The following AADACL4 variants were observed in gnomAD, a reference collection of about 807,000 sequenced individuals.
AADACL4 encodes the protein arylacetamide deacetylase like 4.
AADACL4 carries 9 observed loss-of-function variants against 14.1 expected under a neutral mutation model. The ratio of observed to expected loss-of-function variants is 0.64; its 90% confidence interval spans 0.39 to 1.12. The LOEUF (loss-of-function observed/expected upper bound fraction) is 1.12. Ranked by LOEUF, AADACL4 falls within the 50% of genes most tolerant of loss-of-function variation. AADACL4 has a pLI of 0.01. For missense variants in AADACL4, 531 were observed against 516.1 expected, an observed-to-expected ratio of 1.03 and a Z score of -0.28; for synonymous variants, 188 against 201.6, an observed-to-expected ratio of 0.93 and a Z score of 0.57.
At position 12,663,114 on chromosome 1, in the gene AADACL4, C is replaced by T. The variant is rs144086060; in HGVS notation, c.449+1260C>T. ...CAGGGAGACAGTAGCTGAGAGGAGA[C>T]TCCCTGAGAGACACTGAAGGAAGGG... On this transcript the variant is annotated intron_variant, in intron 3 of 3. Coordinates refer to ENST00000376221, the MANE Select transcript of AADACL4 (RefSeq NM_001013630.2). Among the ~76,000 whole-genome samples the T allele has an allele frequency of 8.5e-5, 13 of 152,212 alleles. No homozygotes were observed. In the East Asian group the frequency reaches 1.5e-3, roughly 18 times the overall value.
At chr1:12,657,135 T>C (rs1386198911) in intron 2 of AADACL4, among the ~76,000 whole-genome samples, 1 of 115,274 alleles carries the variant, frequency 8.7e-6, no homozygotes. Flanking sequence ...AGAGAAAGAC[T>C]GTCTCAAAAA....
chr1:12,660,578 A>G (rs1647218585), intron 2 of AADACL4, among the ~76,000 whole-genome samples: 1 of 152,076 alleles, frequency 6.6e-6, no homozygotes, highest in African/African-American at 2.4e-5. Context: ...CCTTAAAATC[A>G]CCTGCGAATT....
At position 12,666,144 on chromosome 1, in the gene AADACL4, T is replaced by C. The variant is rs1647323908; in HGVS notation, c.633T>C (p.Asp211=). The change falls in exon 4 of 4, where the codon GAT becomes GAC. Residue 211 remains aspartate, a synonymous_variant. Transcript: ENST00000376221. ...AITQALVGRS[D]LPRIRAQVLI... The stretch of plus-strand genomic sequence containing the variant: ...CCCAGGCCTTGGTGGGCAGATCAGA[T>C]CTTCCCCGGATCCGGGCTCAGGTTC... 1 of 1,614,118 alleles carries C rather than the reference T, an allele frequency of 6.2e-7. No homozygotes were observed. The highest frequency in any genetic ancestry group is 1.3e-5 in the African/African-American group (1 of 74,940).
At chr1:12,656,924 C>T (rs1435589314) in intron 2 of AADACL4, among the ~76,000 whole-genome samples, 1 of 151,946 alleles carries the variant, frequency 6.6e-6, no homozygotes, top group African/African-American at 2.4e-5. Flanking sequence ...GTGGACTGCT[C>T]GAGCTCAGGA....
chr1:12,644,646 C>T lies in AADACL4; in HGVS notation c.100C>T (p.Pro34Ser). The T allele has an allele frequency of 6.2e-7, 1 of 1,614,150 alleles. No homozygotes were observed. The highest frequency in any genetic ancestry group is 1.1e-5 in the South Asian group (1 of 91,080). ...VFEHFLTTDI[P>S]ATLQHPAKLR... ...TGAGCACTTCCTCACCACGGATATC[C>T]CTGCTACCTTGCAGCATCCTGCCAA... Residue 34 changes from proline to serine, a missense_variant, in exon 1 of 4, where the codon CCT (proline) becomes TCT (serine). Transcript: ENST00000376221.
intron 2 of AADACL4, among the ~76,000 whole-genome samples, chr1:12,654,356 A>G (rs755020091): frequency 1.3e-5 from 2 of 152,248 alleles, no homozygotes; most frequent in African/African-American, 2.4e-5. Context: ...CTGATTTGAG[A>G]GGATATTGAT....
chr1:12,657,862 C>G (rs577895051), intron 2 of AADACL4, among the ~76,000 whole-genome samples: 1 of 152,224 alleles, frequency 6.6e-6, no homozygotes, highest in South Asian at 2.1e-4. Flanking sequence ...TGGGTCCAGT[C>G]AGTCTTAGCC....
At chr1:12,657,077 A>G (rs922021964) in intron 2 of AADACL4, among the ~76,000 whole-genome samples, 3 of 137,554 alleles carry the variant, frequency 2.2e-5, no homozygotes, top group African/African-American at 8.3e-5. Context: ...CGGGAGGCAG[A>G]GGTTGCAGTG....
At chr1:12,658,166 T>TTATTTC (rs368484346) in intron 2 of AADACL4, among the ~76,000 whole-genome samples, 1 of 122,826 alleles carries the variant, frequency 8.1e-6, no homozygotes, top group African/African-American at 4.8e-5. Flanking sequence ...CTTTCTTTCT[T>TTATTTC]TTTCTCTTTC....
In AADACL4 at chr1:12,667,043, T is replaced by C; in HGVS notation, c.*308T>C. The stretch of plus-strand genomic sequence containing the variant: ...AAAAATTTCTCAAAGCCCCAACATA[T>C]AAGATCTGTGCAGAATAAATGCCAA... On this transcript the variant is annotated 3_prime_UTR_variant, in exon 4 of 4. Transcript: ENST00000376221. 1 of 466,464 alleles carries C rather than the reference T, an allele frequency of 2.1e-6. No individual in the cohort carries two copies. The highest frequency in any genetic ancestry group is 3.7e-6 in the Non-Finnish European group (1 of 267,650). 28.9% of individuals were successfully genotyped at this position (466,464 alleles called of 1,614,324 possible). A position where few individuals can be genotyped will look rare whatever the true frequency, so the allele number is the denominator to read the frequency against.
chr1:12,661,025 G>T (rs1647222578), intron 2 of AADACL4, among the ~76,000 whole-genome samples: 1 of 152,168 alleles, frequency 6.6e-6, no homozygotes, highest in South Asian at 2.1e-4. Flanking sequence ...GGGGCTGACT[G>T]CTCCGACTCA....
At chr1:12,660,890 C>T (rs1350538515) in intron 2 of AADACL4, among the ~76,000 whole-genome samples, 2 of 152,186 alleles carry the variant, frequency 1.3e-5, no homozygotes, top group Non-Finnish European at 2.9e-5. Flanking sequence ...GATCCACCCA[C>T]CTCGGCCTCC....
chr1:12,658,109 T>C (rs1302888391), intron 2 of AADACL4, among the ~76,000 whole-genome samples: 4 of 35,908 alleles, frequency 1.1e-4, no homozygotes, highest in Admixed American at 3.1e-4. Context: ...CTCTCTTTCT[T>C]TCCTTCCTTC....
At chr1:12,664,911 AC>A (rs1647287600) in intron 3 of AADACL4, among the ~76,000 whole-genome samples, 1 of 152,146 alleles carries the variant, frequency 6.6e-6, no homozygotes, top group South Asian at 2.1e-4. Flanking sequence ...GAGGGGACAT[AC>A]TTCGGAAGCC....
chr1:12,645,595 T>G (rs535115376), intron 1 of AADACL4, among the ~76,000 whole-genome samples: 30 of 152,092 alleles, frequency 2.0e-4, no homozygotes, highest in Admixed American at 8.5e-4. Context: ...CAGGCTGGAG[T>G]GCAGTGGTGC....
chr1:12,651,248 C>G lies in AADACL4; in HGVS notation c.294C>G (p.Pro98=). The G allele has an allele frequency of 6.2e-7, 1 of 1,614,202 alleles. No homozygotes were observed. The highest frequency in any genetic ancestry group is 8.5e-7 in the Non-Finnish European group (1 of 1,180,040). Residue 98 remains proline (P), a synonymous_variant, in exon 2 of 4, where the codon CCC becomes CCG. Coordinates refer to ENST00000376221, the MANE Select transcript of AADACL4 (RefSeq NM_001013630.2). ...CCGACCTGCGTTTTGGGACGATACC[C>G]GTGAGGCTGTTCCAGCCGAAGGCAG... ...VVTDLRFGTI[P]VRLFQPKAAS... is the part of the protein sequence containing the mutation.
intron 1 of AADACL4, among the ~76,000 whole-genome samples, chr1:12,648,642 G>C (rs1647127339): frequency 6.7e-6 from 1 of 149,978 alleles, no homozygotes; most frequent in Non-Finnish European, 1.5e-5. Flanking sequence ...GGCTCAAGCA[G>C]TCTGCCAGCT....
Position 12,666,054 on chromosome 1 carries a change from G to A in AADACL4, c.543G>A (p.Gly181=), listed in dbSNP as rs577438077. Reference sequence around the variant, plus strand: ...TCCTGAAGGCCCTGGAAACCTATGGGGTGGACCCCTCCAGGGTTGTGGTCT... The same window carrying A: ...TCCTGAAGGCCCTGGAAACCTATGGAGTGGACCCCTCCAGGGTTGTGGTCT... ...IHFLKALETY[G]VDPSRVVVCG... Residue 181 remains glycine (G), a synonymous_variant, in exon 4 of 4, where the codon GGG becomes GGA. Transcript: ENST00000376221. 2 of 1,614,216 alleles carry A rather than the reference G, an allele frequency of 1.2e-6. No individual in the cohort carries two copies. The highest frequency in any genetic ancestry group is 1.3e-5 in the African/African-American group (1 of 75,066).
At chr1:12,652,582 A>T (rs754266655) in intron 2 of AADACL4, among the ~76,000 whole-genome samples, 1 of 152,264 alleles carries the variant, frequency 6.6e-6, no homozygotes. Context: ...GAAAAAGCAC[A>T]CACTCAAGAA....
Sources: gnomAD v4.1 joint callset for allele counts (sites outside exome capture counted in the v4.1 genomes callset) on GRCh38, gnomAD v4.1.1 for gene constraint, MANE v1.5 for transcripts, NCBI Gene and HGNC (gene_info 2026-07-23, HGNC 2026-07-21) for gene names.